PIK3R2: variants seen among roughly 807,000 people sequenced by gnomAD.
PIK3R2 encodes the protein phosphoinositide-3-kinase regulatory subunit 2, also known as phosphatidylinositol 3-kinase regulatory subunit beta.
In PIK3R2, 40 loss-of-function variants were observed where a neutral mutation model predicts 78.5. The observed-to-expected ratio is 0.51, with a 90% CI of 0.40 to 0.66. PIK3R2 has a LOEUF of 0.66. PIK3R2 is among the 30% of genes least tolerant of loss of function. The pLI, the probability that PIK3R2 is intolerant of heterozygous loss-of-function variation, is 0.00. For synonymous variants in PIK3R2, 473 were observed against 457.7 expected, an observed-to-expected ratio of 1.03 and a Z score of -0.43; for missense variants, 880 against 1,026.6, an observed-to-expected ratio of 0.86 and a Z score of 1.95.
rs2043823855 is a variant in PIK3R2 at position 18,167,710 on chromosome 19, C to A, written c.1736+404C>A. ...CCGTCTCTACTAAAAATAAAAAATA[C>A]AAAACCCGGCCAGGCATGGTGGTGG... On this transcript the variant is annotated intron_variant, in intron 13 of 15. Transcript: ENST00000222254. This position sits in a 1 kb window ranked among gnomAD's most constrained non-coding sequence, Gnocchi z 4.5. 6.6e-6 allele frequency among the ~76,000 whole-genome samples: 1 copy of A among 151,962 alleles called. No homozygotes were observed. Among genetic ancestry groups the A allele is most frequent in the Non-Finnish European group, 1.5e-5 (1 of 67,980 alleles).
At chr19:18,160,129 C>T (rs912794487) in intron 2 of PIK3R2, among the ~76,000 whole-genome samples, 1 of 152,230 alleles carries the variant, frequency 6.6e-6, no homozygotes, top group African/African-American at 2.4e-5. Flanking sequence ...GCTTTCCTTA[C>T]ACCTGCAAAG....
rs2043838595 is a variant in PIK3R2, at chr19:18,168,943, C to G, written c.1979+47C>G. ...GGATTCCCGCGTCCCTCCCAGAGCT[C>G]TCATTGAATGCCTGCCGCGTGCCAG... On this transcript the variant is annotated intron_variant, in intron 15 of 15. Coordinates refer to ENST00000222254, the MANE Select transcript of PIK3R2 (RefSeq NM_005027.4). The surrounding 1 kb of genome is among the most constrained non-coding windows in gnomAD (Gnocchi z 4.1). 1.3e-6 allele frequency: 2 copies of G among 1,585,482 alleles called. No individual in the cohort carries two copies. Among genetic ancestry groups the G allele is most frequent in the Non-Finnish European group, 1.7e-6 (2 of 1,162,968 alleles).
In PIK3R2 at chr19:18,169,250, C is replaced by G; in HGVS notation, c.2143C>G (p.Pro715Ala). ...CGCGCTCACCGTCACCCTGGCGCAC[C>G]CAGTGCGCGCCCCGGGCCCCGGCCC... ...NDALTVTLAH[P>A]VRAPGPGPPP... The change falls in exon 16 of 16, where the codon CCA becomes GCA. Residue 715 changes from proline to alanine, a missense_variant. Around this residue, in one of 3 missense-constraint regions of PIK3R2, gnomAD observed 268 missense variants for 299.1 expected, o/e 0.90. Coordinates refer to ENST00000222254, the MANE Select transcript of PIK3R2 (RefSeq NM_005027.4). 1 of 1,566,144 alleles carries G rather than the reference C, an allele frequency of 6.4e-7. No individual in the cohort carries two copies. Among genetic ancestry groups the G allele is most frequent in the Non-Finnish European group, 8.6e-7 (1 of 1,163,908 alleles).
intron 1 of PIK3R2, among the ~76,000 whole-genome samples, chr19:18,154,944 TGGC>T (rs2043661750): frequency 6.8e-6 from 1 of 146,360 alleles, no homozygotes; most frequent in Non-Finnish European, 1.5e-5. Flanking sequence ...CTGGGCAAGG[TGGC>T]TCATGCCTGT....
In PIK3R2 at chr19:18,162,432, G is replaced by A. The variant is rs1199034920; in HGVS notation, c.1035G>A (p.Arg345=). 2.5e-6 allele frequency: 4 copies of A among 1,613,542 alleles called. No individual in the cohort carries two copies. Among genetic ancestry groups the A allele is most frequent in the Non-Finnish European group, 3.4e-6 (4 of 1,179,970 alleles). ...ISREEVNEKL[R]DTPDGTFLVR... Reference sequence around the variant, plus strand: ...GGGAGGAGGTGAACGAGAAACTCCGGGACACTCCCGATGGCACCTTCCTAG... The same window carrying A: ...GGGAGGAGGTGAACGAGAAACTCCGAGACACTCCCGATGGCACCTTCCTAG... Residue 345 remains arginine, a synonymous_variant, in exon 9 of 16, where the codon CGG becomes CGA. Transcript: ENST00000222254.
At chr19:18,157,753 G>A (rs1292577370) in intron 2 of PIK3R2, among the ~76,000 whole-genome samples, 1 of 22,722 alleles carries the variant, frequency 4.4e-5, no homozygotes, top group Non-Finnish European at 1.1e-4. Context: ...TTTTTTTTTG[G>A]CGTTTTCGTT....
Position 18,161,488 on chromosome 19 carries a change from C to T in PIK3R2, c.808C>T (p.Pro270Ser). 1 of 1,139,336 alleles carries T rather than the reference C, an allele frequency of 8.8e-7. No individual in the cohort carries two copies. The highest frequency in any genetic ancestry group is 4.2e-5 in the South Asian group (1 of 23,556). 70.6% of individuals were successfully genotyped at this position (1,139,336 alleles called of 1,614,324 possible). A position where few individuals can be genotyped will look rare whatever the true frequency, so the allele number is the denominator to read the frequency against. The change falls in exon 6 of 16, where the codon CCC (proline) becomes TCC (serine). Residue 270 changes from proline (P) to serine (S), a missense_variant. Around this residue, in one of 3 missense-constraint regions of PIK3R2, gnomAD observed 456 missense variants for 486.6 expected, o/e 0.94. Coordinates refer to ENST00000222254, the MANE Select transcript of PIK3R2 (RefSeq NM_005027.4). This position sits in a 1 kb window ranked among gnomAD's most constrained non-coding sequence, Gnocchi z 5.3. ...GTCCTCGCCGCCGCCAGGGGGCGCT[C>T]CCGACGGGTGAGGGGCGGGGCGGAG... is the stretch of plus-strand genomic sequence containing the variant. ...PPSSPPPGGA[P>S]DGSEPSPDFP...
chr19:18,158,631 C>CA (rs1424569352), intron 2 of PIK3R2, among the ~76,000 whole-genome samples: 2 of 151,456 alleles, frequency 1.3e-5, no homozygotes, highest in African/African-American at 2.4e-5. Context: ...GAACCTGTCT[C>CA]AAAAAAAATG....
rs750657176 is a variant in PIK3R2, at chr19:18,161,106, C to T, written c.519C>T (p.Gly173=). Residue 173 remains glycine, a synonymous_variant, in exon 5 of 16, where the codon GGC becomes GGT. Coordinates refer to ENST00000222254, the MANE Select transcript of PIK3R2 (RefSeq NM_005027.4). This position sits in a 1 kb window ranked among gnomAD's most constrained non-coding sequence, Gnocchi z 5.3. ...GGGACACGGCAGCCCTGGCTGACGG[C>T]ATTAAGAGCTTCCTGCTGGCACTGC... ...DQWDTAALAD[G]IKSFLLALPA... is the part of the protein sequence containing the mutation. 8 of 1,599,736 alleles carry T rather than the reference C, an allele frequency of 5.0e-6. No homozygotes were observed. Among genetic ancestry groups the T allele is most frequent in the Non-Finnish European group, 6.8e-6 (8 of 1,174,130 alleles).
At chr19:18,160,440 C>A (rs374217337) in intron 2 of PIK3R2, 31 bp from the exon 3 acceptor site, 2 of 1,350,420 alleles carry the variant, frequency 1.5e-6, no homozygotes, top group Non-Finnish European at 2.1e-6. Context: ...GGAACCCCAC[C>A]AACATGCAAC....
Position 18,169,206 on chromosome 19 carries a change from C to A in PIK3R2, c.2099C>A (p.Ser700Ter). 1.2e-6 allele frequency: 2 copies of A among 1,605,930 alleles called. No individual in the cohort carries two copies. Among genetic ancestry groups the A allele is most frequent in the Non-Finnish European group, 1.7e-6 (2 of 1,179,066 alleles). ...KELVLHYQHA[S>*]LVQHNDALTV... ...CTGGTGCTGCACTACCAGCACGCCT[C>A]GCTGGTGCAGCACAACGACGCGCTC... The change falls in exon 16 of 16, where the codon TCG (serine) becomes TAG (stop). Residue 700 changes from serine (S) to a stop codon, truncating the protein, a stop_gained. Transcript: ENST00000222254. LOFTEE classifies it high-confidence loss of function.
Position 18,169,924 on chromosome 19 carries a change from G to T in PIK3R2, c.*630G>T, listed in dbSNP as rs540066064. On this transcript the variant is annotated 3_prime_UTR_variant, in exon 16 of 16. Coordinates refer to ENST00000222254, the MANE Select transcript of PIK3R2 (RefSeq NM_005027.4). ...CACCCCCGAAAAAATAATTAAACTC[G>T]CAGGCCAGGCACGGTGGCTCATGCC... The T allele has an allele frequency of 2.4e-4, 46 of 188,450 alleles. No individual in the cohort carries two copies. The highest frequency in any genetic ancestry group is 1.0e-3 in the African/African-American group (43 of 42,772). 11.7% of individuals were successfully genotyped at this position (188,450 alleles called of 1,614,324 possible).
rs2147957760 is a variant in PIK3R2, at chr19:18,167,228, A to G, written c.1658A>G (p.Asn553Ser). 6.2e-7 allele frequency: 1 copy of G among 1,613,142 alleles called. No homozygotes were observed. The highest frequency in any genetic ancestry group is 8.5e-7 in the Non-Finnish European group (1 of 1,179,622). The change falls in exon 13 of 16, where the codon AAC becomes AGC. Residue 553 changes from asparagine to serine, a missense_variant. This residue lies in a region of PIK3R2 where 268 missense variants were observed against 299.1 expected (regional missense o/e 0.90). Transcript: ENST00000222254. The surrounding 1 kb of genome is among the most constrained non-coding windows in gnomAD (Gnocchi z 4.5). ...EQQLRAQASD[N>S]REIDKRMNSL... ...CAGCTGCGGGCCCAGGCCTCGGACA[A>G]CAGAGAGATCGACAAGCGCATGAAC... is the stretch of plus-strand genomic sequence containing the variant.
At chr19:18,163,510 G>A (rs1713994206) in intron 11 of PIK3R2, 122 bp downstream of exon 11, 1 of 1,013,744 alleles carries the variant, frequency 9.9e-7, no homozygotes, top group South Asian at 1.5e-5. Flanking sequence ...CACAGAGCAG[G>A]CACTTAGCAC....
intron 2 of PIK3R2, among the ~76,000 whole-genome samples, chr19:18,157,321 G>A (rs931446544): frequency 2.0e-5 from 3 of 152,182 alleles, no homozygotes; most frequent in Admixed American, 6.5e-5. Flanking sequence ...CCTGGTAACA[G>A]CCACCTCCCT....
At chr19:18,159,166 A>ATTTT (rs2043714286) in intron 2 of PIK3R2, among the ~76,000 whole-genome samples, 2 of 15,474 alleles carry the variant, frequency 1.3e-4, no homozygotes, top group African/African-American at 2.7e-4. Context: ...TTTTTTTTAA[A>ATTTT]TTATTTAAGA....
chr19:18,153,701 G>A (rs1425183908), intron 1 of PIK3R2, among the ~76,000 whole-genome samples: 1 of 152,188 alleles, frequency 6.6e-6, no homozygotes, highest in Non-Finnish European at 1.5e-5. Context: ...GCAGACCCAA[G>A]TGCGCGTCTG....
rs1206545279 is a variant in PIK3R2 at position 18,168,782 on chromosome 19, G to A, written c.1865G>A (p.Trp622Ter). ...DDLPHHEERT[W>*]YVGKINRTQA... is the part of the protein sequence containing the mutation. ...CTCCCGCACCACGAGGAACGCACTTGGTACGTGGGCAAGATCAACCGCACG... is the reference window on the plus strand; with the variant it reads ...CTCCCGCACCACGAGGAACGCACTTAGTACGTGGGCAAGATCAACCGCACG... Residue 622 changes from tryptophan (W) to a stop codon, truncating the protein, a stop_gained, in exon 15 of 16, where the codon TGG (tryptophan) becomes TAG (stop). Transcript: ENST00000222254. LOFTEE classifies it high-confidence loss of function. This position sits in a 1 kb window ranked among gnomAD's most constrained non-coding sequence, Gnocchi z 4.1. The A allele has an allele frequency of 6.2e-7, 1 of 1,613,754 alleles. No homozygotes were observed. The highest frequency in any genetic ancestry group is 8.5e-7 in the Non-Finnish European group (1 of 1,179,928).
chr19:18,167,178 T>C lies in PIK3R2; in HGVS notation c.1608T>C (p.His536=), dbSNP rs1317424179. 5.0e-6 allele frequency: 8 copies of C among 1,609,750 alleles called. No individual in the cohort carries two copies. The highest frequency in any genetic ancestry group is 4.0e-5 in the African/African-American group (3 of 74,528). The change falls in exon 13 of 16, where the codon CAT becomes CAC. Residue 536 remains histidine, a synonymous_variant. Coordinates refer to ENST00000222254, the MANE Select transcript of PIK3R2 (RefSeq NM_005027.4). This position sits in a 1 kb window ranked among gnomAD's most constrained non-coding sequence, Gnocchi z 4.5. ...ERLKSRIAEI[H]ESRTKLEQQL... The stretch of plus-strand genomic sequence containing the variant: ...TCAAGTCCCGCATTGCCGAGATCCA[T>C]GAGAGCCGCACGAAGCTGGAGCAGC...
Sources: allele counts gnomAD v4.1 joint callset (sites outside exome capture counted in the v4.1 genomes callset), GRCh38; gene constraint gnomAD v4.1.1; regional missense constraint gnomAD v4.1.1; non-coding constraint Gnocchi (gnomAD v3.1); transcripts MANE v1.5; gene names NCBI Gene and HGNC (gene_info 2026-07-23, HGNC 2026-07-21).